AGBL4: variants seen among roughly 807,000 people sequenced by gnomAD.
AGBL4 encodes AGBL carboxypeptidase 4.
In AGBL4, 58 loss-of-function variants were observed where a neutral mutation model predicts 66.4. That is an observed-to-expected ratio of 0.87 (90% CI 0.71 to 1.09). AGBL4 has a LOEUF of 1.09. Ranked by LOEUF, AGBL4 falls within the 50% of genes least tolerant of loss-of-function variation. The probability of loss-of-function intolerance (pLI) is 0.00; values close to 1 mark genes in which losing one functional copy is unlikely to be tolerated. For missense variants in AGBL4, 579 were observed against 631.0 expected (o/e 0.92, Z 0.88); for synonymous variants, 234 against 222.9 (o/e 1.05, Z -0.44).
At chr1:49,132,450 A>G (rs1645919205) in intron 4 of AGBL4, among the ~76,000 whole-genome samples, 1 of 152,182 alleles carries the variant, frequency 6.6e-6, no homozygotes, top group African/African-American at 2.4e-5. Flanking sequence ...ACTCTAAGTC[A>G]TTAAATCTCC....
chr1:49,300,976 A>G (rs1644734700), intron 3 of AGBL4, among the ~76,000 whole-genome samples: 1 of 152,106 alleles, frequency 6.6e-6, no homozygotes, highest in African/African-American at 2.4e-5. Context: ...AATGACTGTG[A>G]TTTAACTGTC....
chr1:49,848,042 G>A (rs1285746671), intron 2 of AGBL4, among the ~76,000 whole-genome samples: 1 of 151,886 alleles, frequency 6.6e-6, no homozygotes, highest in African/African-American at 2.4e-5. Context: ...AAGCATCACA[G>A]AAATGCAATT....
At chr1:48,882,876 T>G (rs970842782) in intron 5 of AGBL4, among the ~76,000 whole-genome samples, 1 of 152,216 alleles carries the variant, frequency 6.6e-6, no homozygotes, top group African/African-American at 2.4e-5. Flanking sequence ...TACTTGTATT[T>G]CTGTGCCTGG....
intron 2 of AGBL4, chr1:49,846,024 C>T: frequency 6.3e-7 from 1 of 1,594,372 alleles, no homozygotes. Context: ...TGTGGCAGAG[C>T]CTTCAGTCAG....
At chr1:49,379,087 T>C (rs544144808) in intron 3 of AGBL4, among the ~76,000 whole-genome samples, 1 of 152,192 alleles carries the variant, frequency 6.6e-6, no homozygotes, top group Admixed American at 6.6e-5. Context: ...TTGTATGCCC[T>C]AGTATAGTGT....
chr1:49,192,167 G>A (rs1647132935), intron 4 of AGBL4, among the ~76,000 whole-genome samples: 1 of 152,036 alleles, frequency 6.6e-6, no homozygotes, highest in Non-Finnish European at 1.5e-5. Flanking sequence ...GGATGAGATG[G>A]TATCTCATTG....
intron 2 of AGBL4, among the ~76,000 whole-genome samples, chr1:49,818,810 T>C (rs1445077220): frequency 2.0e-5 from 3 of 152,152 alleles, no homozygotes; most frequent in Non-Finnish European, 4.4e-5. Context: ...GCGTGGAGCT[T>C]GTAACACTCC....
intron 1 of AGBL4, among the ~76,000 whole-genome samples, chr1:49,901,864 C>T (rs1372184774): frequency 6.6e-6 from 1 of 152,074 alleles, no homozygotes; most frequent in Non-Finnish European, 1.5e-5. Flanking sequence ...GAACAGAATA[C>T]AGAACCCAGA....
intron 5 of AGBL4, among the ~76,000 whole-genome samples, chr1:49,041,456 T>C (rs1008416576): frequency 5.3e-5 from 8 of 152,112 alleles, no homozygotes; most frequent in African/African-American, 1.9e-4. Flanking sequence ...TTAAATTTAC[T>C]TTCTTAAAAT....
intron 12 of AGBL4, among the ~76,000 whole-genome samples, chr1:48,538,515 C>A (rs942254379): frequency 6.6e-6 from 1 of 152,166 alleles, no homozygotes; most frequent in Non-Finnish European, 1.5e-5. Flanking sequence ...CTTCTACTTG[C>A]GGTGAACCTT....
chr1:49,227,948 C>T (rs929130582), intron 4 of AGBL4, among the ~76,000 whole-genome samples: 6 of 152,144 alleles, frequency 3.9e-5, no homozygotes, highest in African/African-American at 1.4e-4. Context: ...CCCTTCCTTA[C>T]ATCCTACCCT....
chr1:49,108,903 G>T (rs725191), intron 4 of AGBL4, among the ~76,000 whole-genome samples: 1 of 151,794 alleles, frequency 6.6e-6, no homozygotes, highest in Non-Finnish European at 1.5e-5. Flanking sequence ...ACAGGAGAAC[G>T]CCCTCAGTTC....
At chr1:48,867,068 C>G in intron 6 of AGBL4, 123 bp downstream of exon 6, 2 of 1,097,196 alleles carry the variant, frequency 1.8e-6, no homozygotes, top group Non-Finnish European at 2.7e-6. Context: ...ATTCATGGTG[C>G]AAGAGTTCTG....
At chr1:48,658,883 TC>T (rs1646062580) in intron 7 of AGBL4, among the ~76,000 whole-genome samples, 2 of 151,544 alleles carry the variant, frequency 1.3e-5, no homozygotes, top group African/African-American at 4.9e-5. Context: ...ATCCACATCC[TC>T]CTCCCTCTTC....
intron 3 of AGBL4, among the ~76,000 whole-genome samples, chr1:49,436,567 T>C (rs953790412): frequency 1.3e-5 from 2 of 152,132 alleles, no homozygotes; most frequent in African/African-American, 4.8e-5. Context: ...AGGATTTACT[T>C]TCACACAAAT....
intron 5 of AGBL4, among the ~76,000 whole-genome samples, chr1:48,914,059 G>A (rs1375205945): frequency 6.6e-6 from 1 of 152,220 alleles, no homozygotes; most frequent in East Asian, 1.9e-4. Context: ...GCAAAGCACA[G>A]ATTTGAGTGT....
chr1:49,007,411 T>C (rs1320125370), intron 5 of AGBL4, among the ~76,000 whole-genome samples: 3 of 150,666 alleles, frequency 2.0e-5, no homozygotes, highest in South Asian at 2.1e-4. Flanking sequence ...CTGGTGTACC[T>C]GAAAGTGACG....
At chr1:49,782,627 T>G (rs1428610277) in intron 2 of AGBL4, among the ~76,000 whole-genome samples, 1 of 152,198 alleles carries the variant, frequency 6.6e-6, no homozygotes, top group Non-Finnish European at 1.5e-5. Flanking sequence ...GGAAACTTAA[T>G]AGCCAATGCA....
intron 3 of AGBL4, among the ~76,000 whole-genome samples, chr1:49,270,136 T>C (rs1185008388): frequency 6.6e-6 from 1 of 152,214 alleles, no homozygotes; most frequent in African/African-American, 2.4e-5. Context: ...ATAGTGACTC[T>C]GGTGTACTTT....
Sources: gnomAD v4.1 joint callset for allele counts (sites outside exome capture counted in the v4.1 genomes callset) on GRCh38, gnomAD v4.1.1 for gene constraint, MANE v1.5 for transcripts, NCBI Gene and HGNC (gene_info 2026-07-23, HGNC 2026-07-21) for gene names.